LETM1: variants seen among roughly 807,000 people sequenced by gnomAD.
LETM1 encodes the protein mitochondrial proton/calcium exchanger protein.
Under a neutral mutation model 74.5 loss-of-function variants are expected in LETM1, and 50 were observed. The observed-to-expected ratio is 0.67, with a 90% CI of 0.53 to 0.85. LETM1 has a LOEUF of 0.85. Among genes scored for constraint, LETM1 ranks in the 40% least tolerant of loss-of-function variants. LETM1 has a pLI of 0.00. For missense variants in LETM1, 824 were observed against 967.8 expected, an observed-to-expected ratio of 0.85 and a Z score of 1.97; for synonymous variants, 446 against 407.1, an observed-to-expected ratio of 1.10 and a Z score of -1.15.
In LETM1 at chr4:1,841,363, C is replaced by T. The variant is rs1481330574; in HGVS notation, c.578G>A (p.Arg193His). Reference sequence around the variant, plus strand: ...CCCCATTACCTGCCTGCGCTCCCGGCGGGTCAGGCTGTGGCCGTTGAGGAT... The same window carrying T: ...CCCCATTACCTGCCTGCGCTCCCGGTGGGTCAGGCTGTGGCCGTTGAGGAT... The part of the protein sequence containing the change: ...WRILNGHSLT[R>H]RERRQFLRIC... The change falls in exon 3 of 14, where the codon CGC (arginine) becomes CAC (histidine). Residue 193 changes from arginine (R) to histidine (H), a missense_variant. By Grantham distance (29) the Arg-to-His change is conservative. Transcript: ENST00000302787. 7 of 1,612,014 alleles carry T rather than the reference C, an allele frequency of 4.3e-6. No homozygotes were observed. Among genetic ancestry groups the T allele is most frequent in the African/African-American group, 1.3e-5 (1 of 74,912 alleles).
intron 12 of LETM1, 125 bp from the exon 13 acceptor site, chr4:1,815,927 TC>T: frequency 2.7e-6 from 3 of 1,119,362 alleles, no homozygotes; most frequent in African/African-American, 1.5e-5. Flanking sequence ...CCAGGCAACC[TC>T]CAGCACGGAC....
intron 3 of LETM1, among the ~76,000 whole-genome samples, chr4:1,841,118 G>T (rs1577323481): frequency 6.6e-6 from 1 of 152,220 alleles, no homozygotes; most frequent in African/African-American, 2.4e-5. Flanking sequence ...AGGAGGCTGA[G>T]GTGGGAGGAT....
chr4:1,828,071 ACGGGGCGGCTGGCCGGG>A (rs1712071963), intron 6 of LETM1, among the ~76,000 whole-genome samples: 1 of 122,314 alleles, frequency 8.2e-6, no homozygotes, highest in Non-Finnish European at 1.7e-5. Flanking sequence ...TCCCTCCCGG[ACGGGGCGGCTGGCCGGG>A]CAGGGGGGCT....
At chr4:1,855,441 G>C (rs1180867505) in intron 1 of LETM1, among the ~76,000 whole-genome samples, 1 of 152,210 alleles carries the variant, frequency 6.6e-6, no homozygotes, top group African/African-American at 2.4e-5. Flanking sequence ...GACCAGGAAG[G>C]CTCCTGCAGC....
intron 9 of LETM1, 200 bp downstream of exon 9, chr4:1,822,788 C>T: frequency 4.6e-6 from 2 of 435,502 alleles, no homozygotes; most frequent in Non-Finnish European, 7.7e-6. Flanking sequence ...ACCACTGTGG[C>T]CATCGGGGAG....
At chr4:1,815,627 G>T (rs1162156376) in intron 13 of LETM1, 37 bp downstream of exon 13, 1 of 1,611,030 alleles carries the variant, frequency 6.2e-7, no homozygotes, top group Admixed American at 1.7e-5. Flanking sequence ...TCCAGAGCAG[G>T]TGGCGGATGG....
rs1712096705 is a variant in LETM1, at chr4:1,828,367, G to A, written c.1081-2684C>T. Among the ~76,000 whole-genome samples, 6 of 117,650 alleles carry A rather than the reference G, an allele frequency of 5.1e-5. No homozygotes were observed. The South Asian group carries it at 1.4e-3, about 28-fold the overall frequency. 77.2% of individuals were successfully genotyped at this position (117,650 alleles called of 152,430 possible). ...TCCCTCCCGGACGGGGCGGCTGGCCGGGCGGGGGGCTGACACCCCCACCTC... is the reference window on the plus strand; with the variant it reads ...TCCCTCCCGGACGGGGCGGCTGGCCAGGCGGGGGGCTGACACCCCCACCTC... On this transcript the variant is annotated intron_variant, in intron 6 of 13. Transcript: ENST00000302787.
chr4:1,841,309 C>A (rs1712679340), intron 3 of LETM1, 38 bp downstream of exon 3: 3 of 1,573,920 alleles, frequency 1.9e-6, no homozygotes, highest in Non-Finnish European at 2.6e-6. Context: ...GGTGATAGAG[C>A]AAGAAAGAAA....
rs1711691445 is a variant in LETM1 at position 1,819,325 on chromosome 4, A to G, written c.1743+13T>C. On this transcript the variant is annotated intron_variant, in intron 11 of 13. Transcript: ENST00000302787. ...CTTGCAGTCTCAGAGTCCAGGGAGC[A>G]AATCCCACCCACCTCGCTGTAGTCC... 8.1e-6 allele frequency: 13 copies of G among 1,603,240 alleles called. No individual in the cohort carries two copies. The highest frequency in any genetic ancestry group is 1.1e-5 in the Non-Finnish European group (13 of 1,175,776).
intron 13 of LETM1, 108 bp downstream of exon 13, chr4:1,815,556 G>T: frequency 1.6e-6 from 2 of 1,239,042 alleles, no homozygotes; most frequent in South Asian, 2.8e-5. Flanking sequence ...CCTGACAGGA[G>T]GGGGTAGCTG....
chr4:1,822,780 C>T (rs1711831228), intron 9 of LETM1: 1 of 422,982 alleles, frequency 2.4e-6, no homozygotes, highest in Non-Finnish European at 4.0e-6. Context: ...CCATGAGCAC[C>T]ACTGTGGCCA....
chr4:1,829,897 C>A (rs1032907856), intron 6 of LETM1, among the ~76,000 whole-genome samples: 1 of 152,190 alleles, frequency 6.6e-6, no homozygotes, highest in Admixed American at 6.5e-5. Context: ...CGATGCCTTT[C>A]TCTCACTGCC....
In LETM1 at chr4:1,841,718, G is replaced by A. The variant is rs752301204; in HGVS notation, c.223C>T (p.Leu75=). The part of the protein sequence containing the change: ...SRGDHLGCWA[L]RPECLRIVSR... Reference sequence around the variant, plus strand: ...ACTATGCGAAGGCACTCGGGCCTCAGAGCCCAACAGCCGAGGTGATCGCCT... The same window carrying A: ...ACTATGCGAAGGCACTCGGGCCTCAAAGCCCAACAGCCGAGGTGATCGCCT... Residue 75 remains leucine (L), a synonymous_variant, in exon 3 of 14, where the codon CTG becomes TTG. Transcript: ENST00000302787. 4 of 1,614,178 alleles carry A rather than the reference G, an allele frequency of 2.5e-6. No homozygotes were observed. The highest frequency in any genetic ancestry group is 1.1e-5 in the South Asian group (1 of 91,080).
intron 10 of LETM1, among the ~76,000 whole-genome samples, chr4:1,820,042 A>G (rs1255865086): frequency 6.6e-6 from 1 of 152,166 alleles, no homozygotes; most frequent in Admixed American, 6.5e-5. Context: ...AGCTCAAGCA[A>G]TCTCCTGCCT....
Position 1,814,538 on chromosome 4 carries a change from G to T in LETM1, c.2106C>A (p.Ile702=). ...IELVDKEDVH[I]STSQVAEIVA... is the part of the protein sequence containing the mutation. ...CAATCTCAGCCACCTGGCTGGTGGA[G>T]ATGTGAACATCTTCTTTGTCCACCA... Residue 702 remains isoleucine (I), a synonymous_variant, in exon 14 of 14, where the codon ATC becomes ATA. Coordinates refer to ENST00000302787, the MANE Select transcript of LETM1 (RefSeq NM_012318.3). The T allele has an allele frequency of 6.2e-7, 1 of 1,613,876 alleles. No homozygotes were observed. The highest frequency in any genetic ancestry group is 1.7e-4 in the Middle Eastern group (1 of 6,058).
chr4:1,831,760 G>A (rs956387618), intron 6 of LETM1, among the ~76,000 whole-genome samples: 1 of 152,236 alleles, frequency 6.6e-6, no homozygotes, highest in African/African-American at 2.4e-5. Context: ...CAGAGATGCA[G>A]GCAGGCTCTT....
rs1711805838 is a variant in LETM1 at position 1,822,240 on chromosome 4, C to T, written c.1549G>A (p.Asp517Asn). The T allele has an allele frequency of 2.6e-6, 4 of 1,548,078 alleles. No homozygotes were observed. In the African/African-American group the frequency reaches 4.1e-5, roughly 16 times the overall value. The change falls in exon 10 of 14, where the codon GAC becomes AAC. Residue 517 changes from aspartate (D) to asparagine (N), a missense_variant. Transcript: ENST00000302787. ...AAGGTCTCTGACTGCAGGACTGTGT[C>T]AGGCATTTCTGGCTGTGGCTCGGTC... ...PGTEPQPEMPDTVLQSETLKD... is the reference protein window; with the variant it reads ...PGTEPQPEMPNTVLQSETLKD...
At chr4:1,819,083 C>CAA (rs796708132) in intron 11 of LETM1, among the ~76,000 whole-genome samples, 21 of 65,724 alleles carry the variant, frequency 3.2e-4, no homozygotes, top group Admixed American at 6.7e-4. Flanking sequence ...GACCTTCTTA[C>CAA]AAAAAAAAAA....
At position 1,814,584 on chromosome 4, in the gene LETM1, G is replaced by T; in HGVS notation, c.2071-11C>A. On this transcript the variant is annotated splice_polypyrimidine_tract_variant and intron_variant, in intron 13 of 13. Coordinates refer to ENST00000302787, the MANE Select transcript of LETM1 (RefSeq NM_012318.3). ...CACCAGCTCAATCACCTACACACGT[G>T]GGAAAGGGAGAGGCTCAGGTGGCTG... 1 of 1,612,066 alleles carries T rather than the reference G, an allele frequency of 6.2e-7. No individual in the cohort carries two copies. The highest frequency in any genetic ancestry group is 1.1e-5 in the South Asian group (1 of 90,758).
Sources: allele counts gnomAD v4.1 joint callset (sites outside exome capture counted in the v4.1 genomes callset), GRCh38; gene constraint gnomAD v4.1.1; transcripts MANE v1.5; gene names NCBI Gene and HGNC (gene_info 2026-07-23, HGNC 2026-07-21).